The following COL18A1 variants were observed in gnomAD, a reference collection of about 807,000 sequenced individuals.
The protein encoded by COL18A1 is collagen alpha-1(XVIII) chain.
In COL18A1, 133 loss-of-function variants were observed where a neutral mutation model predicts 168.0. The observed-to-expected ratio is 0.79, with a 90% CI of 0.69 to 0.91. The LOEUF is 0.91. Ranked by LOEUF, COL18A1 falls within the 40% of genes least tolerant of loss-of-function variation. The probability of loss-of-function intolerance (pLI) is 0.00; values close to 1 mark genes in which losing one functional copy is unlikely to be tolerated. For missense variants in COL18A1, 2,126 were observed against 1,925.4 expected (o/e 1.10, Z -1.95); for synonymous variants, 949 against 809.0 (o/e 1.17, Z -2.94).
At chr21:45,454,783 G>A (rs1349127810) in intron 2 of COL18A1, among the ~76,000 whole-genome samples, 1 of 152,262 alleles carries the variant, frequency 6.6e-6, no homozygotes, top group Non-Finnish European at 1.5e-5. Flanking sequence ...GAATGTTCCA[G>A]TCTAACCGGA....
chr21:45,455,544 C>T (rs2034768830), intron 2 of COL18A1: 2 of 1,613,372 alleles, frequency 1.2e-6, no homozygotes, highest in South Asian at 1.1e-5. Flanking sequence ...GCTCCCTACC[C>T]CTGTGGCTGC....
chr21:45,506,209 G>A (rs1172662452), intron 37 of COL18A1: 1 of 548,258 alleles, frequency 1.8e-6, no homozygotes, highest in African/African-American at 1.9e-5. Context: ...AGGGGCTCCT[G>A]GTGGGTCATG....
rs756742580 is a variant in COL18A1 at position 45,456,027 on chromosome 21, C to G, written c.107-12215C>G. The G allele has an allele frequency of 1.2e-5, 19 of 1,611,064 alleles. No individual in the cohort carries two copies. The highest frequency in any genetic ancestry group is 2.7e-5 in the African/African-American group (2 of 74,882). On this transcript the variant is annotated intron_variant, in intron 2 of 41. Transcript: ENST00000651438. The stretch of plus-strand genomic sequence containing the variant: ...TCCAGCACCCCCCAGGAGAATGGGA[C>G]CACTCTCTGGCCCAGCCGTGGCATT...
At chr21:45,489,045 A>G (rs1373008582) in intron 18 of COL18A1, among the ~76,000 whole-genome samples, 1 of 152,226 alleles carries the variant, frequency 6.6e-6, no homozygotes, top group Non-Finnish European at 1.5e-5. Context: ...TGCGGGGCCA[A>G]GGGCGCACGG....
intron 29 of COL18A1, 149 bp from the exon 30 acceptor site, chr21:45,496,351 C>T (rs776434284): frequency 1.2e-5 from 9 of 730,856 alleles, no homozygotes; most frequent in South Asian, 7.2e-5. Context: ...AGCCGTGGCC[C>T]GAGTGACCCA....
intron 2 of COL18A1, among the ~76,000 whole-genome samples, chr21:45,452,796 A>G (rs1346233088): frequency 6.8e-6 from 1 of 147,938 alleles, no homozygotes; most frequent in Non-Finnish European, 1.5e-5. Flanking sequence ...GCATGCATGT[A>G]CATATGTGAT....
intron 2 of COL18A1, among the ~76,000 whole-genome samples, chr21:45,440,726 G>A (rs1365712928): frequency 1.3e-5 from 2 of 152,190 alleles, no homozygotes; most frequent in Non-Finnish European, 2.9e-5. Flanking sequence ...AAGCAGTCAG[G>A]GCCTGCGGGG....
Position 45,505,384 on chromosome 21 carries a change from C to G in COL18A1, c.3040C>G (p.Pro1014Ala). 1 of 1,559,756 alleles carries G rather than the reference C, an allele frequency of 6.4e-7. No homozygotes were observed. The highest frequency in any genetic ancestry group is 8.8e-7 in the Non-Finnish European group (1 of 1,138,810). ...QTISVPGPPG[P>A]PGPPGPPGTM... ...TATCAGCGTTCCCGGCCCTCCGGGCCCCCCTGGGCCCCCTGGGCCCCCTGG... is the reference window on the plus strand; with the variant it reads ...TATCAGCGTTCCCGGCCCTCCGGGCGCCCCTGGGCCCCCTGGGCCCCCTGG... The change falls in exon 36 of 42, where the codon CCC becomes GCC. Residue 1014 changes from proline to alanine, a missense_variant. Coordinates refer to ENST00000651438, the MANE Select transcript of COL18A1 (RefSeq NM_001379500.1).
chr21:45,490,598 TCC>T, intron 20 of COL18A1, among the ~76,000 whole-genome samples: 2 of 149,652 alleles, frequency 1.3e-5, no homozygotes, highest in African/African-American at 5.0e-5. Context: ...CCGTGTGCCC[TCC>T]CGGGTCCCTG....
chr21:45,505,797 C>A, intron 36 of COL18A1, 41 bp from the exon 37 acceptor site: 1 of 1,489,546 alleles, frequency 6.7e-7, no homozygotes, highest in South Asian at 1.2e-5. Flanking sequence ...GCCCCCCGCC[C>A]TCCCCGCCAA....
rs745775690 is a variant in COL18A1 at position 45,512,709 on chromosome 21, G to A, written c.*311G>A. The A allele has an allele frequency of 2.9e-5, 13 of 441,412 alleles. No homozygotes were observed. The highest frequency in any genetic ancestry group is 5.0e-5 in the Non-Finnish European group (12 of 239,124). The allele number at this position is 441,412 out of a possible 1,614,324, so 27.3% of individuals were successfully genotyped here. ...TCTTGGCCTGATCAGACCACGGCTC[G>A]ATTTCTCCAGGATTTCCTGCTTTGG... is the stretch of plus-strand genomic sequence containing the variant. On this transcript the variant is annotated 3_prime_UTR_variant, in exon 42 of 42. Transcript: ENST00000651438.
chr21:45,463,354 G>A lies in COL18A1; in HGVS notation c.107-4888G>A, dbSNP rs2145875973. On this transcript the variant is annotated intron_variant, in intron 2 of 41. Transcript: ENST00000651438. This position sits in a 1 kb window ranked among gnomAD's most constrained non-coding sequence, Gnocchi z 4.0. Reference sequence around the variant, plus strand: ...CATGGCACCTGCTATGGGAATGGGGGTGGAGGATGGATGTGTGGCTGCTAT... The same window carrying A: ...CATGGCACCTGCTATGGGAATGGGGATGGAGGATGGATGTGTGGCTGCTAT... Among the ~76,000 whole-genome samples the A allele has an allele frequency of 6.6e-6, 1 of 152,368 alleles. No individual in the cohort carries two copies. The highest frequency in any genetic ancestry group is 2.1e-4 in the South Asian group (1 of 4,832).
At chr21:45,452,638 G>GTA (rs2034651814) in intron 2 of COL18A1, among the ~76,000 whole-genome samples, 2 of 149,940 alleles carry the variant, frequency 1.3e-5, no homozygotes, top group African/African-American at 5.0e-5. Context: ...ATGTAAGCAT[G>GTA]TGTGTGTGAG....
intron 29 of COL18A1, chr21:45,495,974 A>G (rs867424681): frequency 3.0e-6 from 1 of 335,590 alleles, no homozygotes; most frequent in African/African-American, 2.1e-5. Context: ...ATACACATGC[A>G]TACACACCAA....
intron 2 of COL18A1, among the ~76,000 whole-genome samples, chr21:45,409,613 C>T (rs1248754212): frequency 2.6e-5 from 4 of 152,206 alleles, no homozygotes; most frequent in African/African-American, 9.6e-5. Flanking sequence ...CTGCACCAGG[C>T]GGTCATAGGC....
intron 2 of COL18A1, among the ~76,000 whole-genome samples, chr21:45,411,778 A>AGGGGGGGGGGGGGGGGGGGG: frequency 9.2e-6 from 1 of 108,322 alleles, no homozygotes; most frequent in East Asian, 7.8e-4. Context: ...GGGGGGGGGC[A>AGGGGGGGGGGGGGGGGGGGG]GGCTGTGGTC....
intron 2 of COL18A1, among the ~76,000 whole-genome samples, chr21:45,467,777 G>A (rs1205586810): frequency 6.6e-6 from 1 of 152,050 alleles, no homozygotes; most frequent in East Asian, 1.9e-4. Context: ...CAGGGCACAG[G>A]GCCGGGCGGG....
chr21:45,452,243 G>A (rs1602411728), intron 2 of COL18A1, among the ~76,000 whole-genome samples: 2 of 152,254 alleles, frequency 1.3e-5, no homozygotes, highest in East Asian at 3.8e-4. Context: ...AGCAGGACTT[G>A]GGCAACACCA....
At chr21:45,410,234 G>A (rs2033248677) in intron 2 of COL18A1, among the ~76,000 whole-genome samples, 2 of 147,984 alleles carry the variant, frequency 1.4e-5, no homozygotes, top group Admixed American at 6.8e-5. Flanking sequence ...GTGGCAGATG[G>A]GGTCACCTCG....
Sources: allele counts gnomAD v4.1 joint callset (sites outside exome capture counted in the v4.1 genomes callset), GRCh38; gene constraint gnomAD v4.1.1; non-coding constraint Gnocchi (gnomAD v3.1); transcripts MANE v1.5; gene names NCBI Gene and HGNC (gene_info 2026-07-23, HGNC 2026-07-21).